Variants in DRC5 observed in about 807,000 individuals in gnomAD.
DRC5 encodes dynein regulatory complex subunit 5, also known as T-complex-associated testis-expressed protein 1.
the DRC5 span, chr6:44,286,128 A>G: frequency 1.2e-6 from 2 of 1,614,086 alleles, no homozygotes; most frequent in East Asian, 4.5e-5. Flanking sequence ...CCCAGTTGGT[A>G]GTGGTCAACG....
the DRC5 span, among the ~76,000 whole-genome samples, chr6:44,281,854 C>T: frequency 2.6e-5 from 4 of 152,192 alleles, no homozygotes; most frequent in Admixed American, 2.6e-4. Context: ...CTTAGTTTTC[C>T]ATCTAGAAAG....
the DRC5 span, among the ~76,000 whole-genome samples, chr6:44,294,430 T>C: frequency 7.2e-5 from 11 of 152,002 alleles, no homozygotes; most frequent in Admixed American, 3.3e-4. Context: ...GAGTTTCAGA[T>C]ACAAAAAGCA....
chr6:44,291,995 C>A, the DRC5 span, among the ~76,000 whole-genome samples: 1 of 150,608 alleles, frequency 6.6e-6, no homozygotes, highest in Admixed American at 6.6e-5. Flanking sequence ...TAGCTCAGGG[C>A]CCCAGTGTCT....
At chr6:44,280,298 C>T in the DRC5 span, 101 of 1,614,120 alleles carry the variant, frequency 6.3e-5, 1 homozygote, top group Non-Finnish European at 8.5e-5. Context: ...CAATGAGGTA[C>T]TCGCTTTCCT....
the DRC5 span, among the ~76,000 whole-genome samples, chr6:44,288,949 G>C: frequency 3.3e-5 from 4 of 122,832 alleles, no homozygotes; most frequent in Non-Finnish European, 6.3e-5. Context: ...AGCCAAGACT[G>C]TGCTACTGCC....
the DRC5 span, among the ~76,000 whole-genome samples, chr6:44,293,280 T>C: frequency 3.5e-5 from 5 of 144,066 alleles, no homozygotes; most frequent in Non-Finnish European, 4.5e-5. Context: ...CAAGGTCCTT[T>C]CAAGGTCCTT....
chr6:44,282,290 G>T, the DRC5 span: 1 of 1,614,266 alleles, frequency 6.2e-7, no homozygotes, highest in African/African-American at 1.3e-5. Flanking sequence ...CCTCGATGCA[G>T]TTGAGACGTA....
the DRC5 span, chr6:44,280,484 A>ATTGT: frequency 1.2e-6 from 1 of 862,830 alleles, no homozygotes. Context: ...GACTAAAACA[A>ATTGT]AAGTTTCACA....
the DRC5 span, chr6:44,287,438 G>T: frequency 8.6e-7 from 1 of 1,166,854 alleles, no homozygotes; most frequent in Non-Finnish European, 1.2e-6. Context: ...ATACGGGAGA[G>T]CAGGGGCTGC....
the DRC5 span, chr6:44,287,534 C>A: frequency 1.3e-6 from 2 of 1,593,364 alleles, no homozygotes; most frequent in Non-Finnish European, 1.7e-6. Context: ...CCACCTAAAG[C>A]AGGGACAGAC....
At chr6:44,287,716 A>T in the DRC5 span, 2 of 1,614,012 alleles carry the variant, frequency 1.2e-6, no homozygotes, top group Non-Finnish European at 1.7e-6. Context: ...AGGCTTTGAG[A>T]GCTGTGGGCT....
chr6:44,287,937 G>A, the DRC5 span: 3 of 1,396,234 alleles, frequency 2.1e-6, no homozygotes, highest in Non-Finnish European at 2.9e-6. Context: ...AAAGGAAGAG[G>A]GTAGAGGTGT....
the DRC5 span, among the ~76,000 whole-genome samples, chr6:44,296,777 C>A: frequency 2.4e-4 from 37 of 152,368 alleles, no homozygotes; most frequent in African/African-American, 7.0e-4. Flanking sequence ...CACCCCAGAT[C>A]CCCTCAGGAG....
the DRC5 span, chr6:44,282,284 G>C: frequency 6.2e-7 from 1 of 1,614,254 alleles, no homozygotes; most frequent in Non-Finnish European, 8.5e-7. Context: ...CCTCATCCTC[G>C]ATGCAGTTGA....
the DRC5 span, chr6:44,280,076 G>A: frequency 1.9e-6 from 2 of 1,054,696 alleles, no homozygotes; most frequent in Non-Finnish European, 2.9e-6. Context: ...GTTATTCACA[G>A]TCCCCCTCCC....
the DRC5 span, among the ~76,000 whole-genome samples, chr6:44,290,592 A>T: frequency 6.6e-6 from 1 of 152,174 alleles, no homozygotes; most frequent in African/African-American, 2.4e-5. Flanking sequence ...AGTACGACAG[A>T]GGCAAAGGAG....
chr6:44,280,345 G>A, the DRC5 span: 1 of 1,614,116 alleles, frequency 6.2e-7, no homozygotes, highest in Non-Finnish European at 8.5e-7. Context: ...AATTCCAGGA[G>A]GGTCTTGTTG....
At chr6:44,288,708 A>G in the DRC5 span, among the ~76,000 whole-genome samples, 1 of 152,116 alleles carries the variant, frequency 6.6e-6, no homozygotes, top group African/African-American at 2.4e-5. Flanking sequence ...GTAAAGAGAA[A>G]CAAGGCTGGG....
At chr6:44,295,059 C>T in the DRC5 span, among the ~76,000 whole-genome samples, 1 of 152,172 alleles carries the variant, frequency 6.6e-6, no homozygotes, top group Non-Finnish European at 1.5e-5. Flanking sequence ...GAGGGCAGTC[C>T]TGGAGGTGGC....
Sources: gnomAD v4.1 joint callset for allele counts (sites outside exome capture counted in the v4.1 genomes callset) on GRCh38, gnomAD v4.1.1 for gene constraint, MANE v1.5 for transcripts, NCBI Gene and HGNC (gene_info 2026-07-23, HGNC 2026-07-21) for gene names.